The following SUSD1 variants were observed in gnomAD, a reference collection of about 807,000 sequenced individuals.
SUSD1 encodes sushi domain containing 1, also known as sushi domain-containing protein 1.
Under a neutral mutation model 86.9 loss-of-function variants are expected in SUSD1, and 65 were observed. The observed-to-expected ratio is 0.75, with a 90% confidence interval of 0.61 to 0.92. The LOEUF is 0.92. SUSD1 is among the 40% of genes least tolerant of loss of function. The pLI is 0.00. For synonymous variants in SUSD1, 346 were observed against 350.0 expected, an observed-to-expected ratio of 0.99 and a Z score of 0.13; for missense variants, 850 against 929.7, an observed-to-expected ratio of 0.91 and a Z score of 1.11.
chr9:112,086,520 AAGAG>A (rs142342623), intron 10 of SUSD1, among the ~76,000 whole-genome samples: 18 of 147,576 alleles, frequency 1.2e-4, no homozygotes, highest in East Asian at 4.0e-4. Flanking sequence ...GAAAGAAAGA[AAGAG>A]AGAGAGAGAG....
In SUSD1 at chr9:112,165,914, G is replaced by GAAGA. The variant is rs1210982268; in HGVS notation, c.104-8305_104-8302dup. Among the ~76,000 whole-genome samples, 2 of 73,144 alleles carry GAAGA rather than the reference G, an allele frequency of 2.7e-5. 1 individual carries two copies. Among genetic ancestry groups the GAAGA allele is most frequent in the Non-Finnish European group, 5.1e-5 (2 of 38,892 alleles). 48.0% of individuals were successfully genotyped at this position (73,144 alleles called of 152,430 possible). On this transcript the variant is annotated intron_variant, in intron 1 of 16. Coordinates refer to ENST00000374270, the MANE Select transcript of SUSD1 (RefSeq NM_022486.5). ...GAAAGAAAGAAAGGAAGGAAGGAAG[G>GAAGA]AAGAAAGAAAAGAAAGAAAGAAAGA...
intron 12 of SUSD1, among the ~76,000 whole-genome samples, chr9:112,066,336 A>G (rs999474280): frequency 1.3e-5 from 2 of 152,198 alleles, no homozygotes; most frequent in Admixed American, 1.3e-4. Context: ...TAGAAAAGAA[A>G]AAACTCAGAA....
chr9:112,049,452 A>G (rs1828095670), intron 15 of SUSD1, among the ~76,000 whole-genome samples: 2 of 152,252 alleles, frequency 1.3e-5, no homozygotes, highest in Admixed American at 1.3e-4. Flanking sequence ...TTGGCTGATT[A>G]GTAGCAGAAG....
At chr9:112,058,805 T>G in intron 13 of SUSD1, 119 bp from the exon 14 acceptor site, 1 of 1,314,896 alleles carries the variant, frequency 7.6e-7, no homozygotes, top group East Asian at 2.4e-5. Flanking sequence ...TTGTTTTTTG[T>G]TTTTTTTGAG....
intron 1 of SUSD1, among the ~76,000 whole-genome samples, chr9:112,158,092 G>A (rs950488352): frequency 6.6e-6 from 1 of 151,616 alleles, no homozygotes; most frequent in Admixed American, 6.6e-5. Flanking sequence ...CTAAAGTACT[G>A]GGATTACAGG....
Position 112,165,985 on chromosome 9 carries a change from G to GAA in SUSD1, c.104-8374_104-8373dup, listed in dbSNP as rs1554777895. 7.9e-4 allele frequency among the ~76,000 whole-genome samples: 119 copies of GAA among 151,200 alleles called. 1 individual carries two copies. In the East Asian group the frequency reaches 0.022, roughly 28 times the overall value. On this transcript the variant is annotated intron_variant, in intron 1 of 16. Transcript: ENST00000374270. ...AGAAAGAAAGAAAGAAAGAAAGAAAGAAAGAAAGAAAATAATTTAGCATAA... is the reference window on the plus strand; with the variant it reads ...AGAAAGAAAGAAAGAAAGAAAGAAAGAAAAAGAAAGAAAATAATTTAGCATAA...
At chr9:112,048,611 A>T (rs1828056968) in intron 15 of SUSD1, among the ~76,000 whole-genome samples, 1 of 152,180 alleles carries the variant, frequency 6.6e-6, no homozygotes, top group African/African-American at 2.4e-5. Context: ...CTCCTCTTCA[A>T]ATGCCCTTCA....
chr9:112,101,133 G>A (rs1054593550), intron 9 of SUSD1, among the ~76,000 whole-genome samples: 11 of 151,648 alleles, frequency 7.3e-5, no homozygotes, highest in African/African-American at 2.4e-4. Context: ...AAGCTGAGGC[G>A]GGTGGATCAC....
chr9:112,156,018 G>GGA (rs1564347857), intron 2 of SUSD1, among the ~76,000 whole-genome samples: 1 of 151,098 alleles, frequency 6.6e-6, no homozygotes, highest in Non-Finnish European at 1.5e-5. Flanking sequence ...GAGAGAGAAG[G>GGA]GAGAGAGAGA....
chr9:112,044,329 C>T (rs1827866688), intron 15 of SUSD1, among the ~76,000 whole-genome samples: 1 of 152,212 alleles, frequency 6.6e-6, no homozygotes, highest in Non-Finnish European at 1.5e-5. Flanking sequence ...AACACCACCA[C>T]TGCCTGTGTG....
intron 3 of SUSD1, 90 bp from the exon 4 acceptor site, chr9:112,143,713 A>AT (rs1390839596): frequency 2.1e-5 from 28 of 1,307,732 alleles, no homozygotes; most frequent in Non-Finnish European, 2.9e-5. Flanking sequence ...ATTTTTTCAC[A>AT]TTTTCAAGCT....
At chr9:112,170,706 TATATAGAG>T (rs1564362007) in intron 1 of SUSD1, among the ~76,000 whole-genome samples, 6 of 88,372 alleles carry the variant, frequency 6.8e-5, no homozygotes, top group African/African-American at 3.4e-4. Flanking sequence ...TATATATATA[TATATAGAG>T]AGAGAGAGAG....
intron 10 of SUSD1, among the ~76,000 whole-genome samples, chr9:112,093,634 T>C (rs1830287914): frequency 6.6e-6 from 1 of 152,238 alleles, no homozygotes; most frequent in South Asian, 2.1e-4. Flanking sequence ...GTTGATCCTC[T>C]ATTTGTCATT....
chr9:112,063,704 T>C (rs1488357224), intron 12 of SUSD1, among the ~76,000 whole-genome samples: 1 of 150,430 alleles, frequency 6.6e-6, no homozygotes, highest in African/African-American at 2.5e-5. Context: ...TCTTGCTCAC[T>C]GGTAGTTACA....
At chr9:112,074,643 C>T (rs1266770967) in intron 12 of SUSD1, among the ~76,000 whole-genome samples, 2 of 152,168 alleles carry the variant, frequency 1.3e-5, no homozygotes, top group African/African-American at 4.8e-5. Flanking sequence ...ATTGTCCAGA[C>T]CCAAATCCTT....
intron 11 of SUSD1, 44 bp from the exon 12 acceptor site, chr9:112,078,768 G>A: frequency 6.5e-7 from 1 of 1,537,546 alleles, no homozygotes. Context: ...TGGCCTAAAA[G>A]GCTTTAGATG....
chr9:112,074,881 TA>T, intron 12 of SUSD1, among the ~76,000 whole-genome samples: 1 of 151,640 alleles, frequency 6.6e-6, no homozygotes, highest in East Asian at 1.9e-4. Flanking sequence ...TTAAAGTGGG[TA>T]GAGTTGGAAA....
intron 5 of SUSD1, among the ~76,000 whole-genome samples, chr9:112,134,129 G>A (rs1832155179): frequency 6.6e-6 from 1 of 152,188 alleles, no homozygotes; most frequent in Admixed American, 6.5e-5. Flanking sequence ...ATGTAAATTA[G>A]TTCAGCCACT....
chr9:112,138,515 GTGGCACA>G, intron 5 of SUSD1, among the ~76,000 whole-genome samples: 1 of 149,010 alleles, frequency 6.7e-6, no homozygotes, highest in African/African-American at 2.5e-5. Flanking sequence ...TTGGAGTGCA[GTGGCACA>G]ATCTCAGCTC....
Sources: gnomAD v4.1 joint callset for allele counts (sites outside exome capture counted in the v4.1 genomes callset) on GRCh38, gnomAD v4.1.1 for gene constraint, MANE v1.5 for transcripts, NCBI Gene and HGNC (gene_info 2026-07-23, HGNC 2026-07-21) for gene names.